The following HUNK variants were observed in gnomAD, a reference collection of about 807,000 sequenced individuals.
HUNK encodes the protein hormonally up-regulated Neu-associated kinase.
In HUNK, 21 loss-of-function variants were observed where a neutral mutation model predicts 61.0. The ratio of observed to expected loss-of-function variants is 0.34; its 90% CI spans 0.24 to 0.50. HUNK has a LOEUF of 0.50. Among genes scored for constraint, HUNK ranks in the 20% least tolerant of loss-of-function variants. The pLI, the probability that HUNK is intolerant of heterozygous loss-of-function variation, is 0.98. For synonymous variants in HUNK, 371 were observed against 386.1 expected (o/e 0.96, Z 0.46); for missense variants, 772 against 945.7 (o/e 0.82, Z 2.41).
In HUNK at chr21:31,873,848, G is replaced by A. The variant is rs538811019; in HGVS notation, c.174G>A (p.Val58=). The change falls in exon 1 of 11, where the codon GTG becomes GTA. Residue 58 remains valine, a synonymous_variant. Transcript: ENST00000270112. This position sits in a 1 kb window ranked among gnomAD's most constrained non-coding sequence, Gnocchi z 6.1. ...GCGACTTCCAGCACCACAAGCGCGTGGGCAACTACCTCATCGGCAGCAGGA... is the reference window on the plus strand; with the variant it reads ...GCGACTTCCAGCACCACAAGCGCGTAGGCAACTACCTCATCGGCAGCAGGA... ...RLRDFQHHKR[V]GNYLIGSRKL... is the part of the protein sequence containing the mutation. The A allele has an allele frequency of 2.0e-5, 32 of 1,586,340 alleles. No homozygotes were observed. The South Asian group carries it at 3.5e-4, about 18-fold the overall frequency.
chr21:31,970,432 T>A (rs780196823), intron 6 of HUNK, among the ~76,000 whole-genome samples: 31 of 152,144 alleles, frequency 2.0e-4, no homozygotes, highest in Non-Finnish European at 3.7e-4. Context: ...GGAAATAGAT[T>A]GCTGTTTTCC....
rs1456186443 is a variant in HUNK at position 31,873,794 on chromosome 21, G to T, written c.120G>T (p.Trp40Cys). Residue 40 changes from tryptophan to cysteine, a missense_variant, in exon 1 of 11, where the codon TGG becomes TGT. By Grantham distance (215) the Trp-to-Cys change is radical. Around this residue, in one of 2 missense-constraint regions of HUNK, gnomAD observed 359 missense variants for 501.3 expected, o/e 0.72. Transcript: ENST00000270112. The surrounding 1 kb of genome is among the most constrained non-coding windows in gnomAD (Gnocchi z 6.1). ...AACEGSFLPA[W>C]VSGVPRERLR... ...GCGAGGGAAGTTTCCTGCCTGCCTG[G>T]GTGAGCGGCGTGCCCCGCGAGCGGC... 4 of 1,558,988 alleles carry T rather than the reference G, an allele frequency of 2.6e-6. No homozygotes were observed. The African/African-American group carries it at 5.6e-5, about 22-fold the overall frequency.
intron 4 of HUNK, among the ~76,000 whole-genome samples, chr21:31,957,388 C>T (rs1480324947): frequency 6.6e-6 from 1 of 152,196 alleles, no homozygotes; most frequent in African/African-American, 2.4e-5. Context: ...GAGTGGGAAC[C>T]AGGTCTTACT....
rs527283272 is a variant in HUNK at position 31,994,787 on chromosome 21, T to C, written c.1306-981T>C. Reference sequence around the variant, plus strand: ...ATGCCAGAGGCTGTGGACTTGAAGATACATAAAATAGTCAAATTCATTCCT... The same window carrying C: ...ATGCCAGAGGCTGTGGACTTGAAGACACATAAAATAGTCAAATTCATTCCT... On this transcript the variant is annotated intron_variant, in intron 9 of 10. Coordinates refer to ENST00000270112, the MANE Select transcript of HUNK (RefSeq NM_014586.2). 1.5e-3 allele frequency among the ~76,000 whole-genome samples: 236 copies of C among 152,354 alleles called. 1 individual carries two copies. The highest frequency in any genetic ancestry group is 7.8e-3 in the Admixed American group (120 of 15,304).
intron 1 of HUNK, among the ~76,000 whole-genome samples, chr21:31,879,017 C>T (rs893373153): frequency 5.3e-5 from 8 of 152,190 alleles, no homozygotes; most frequent in South Asian, 2.1e-4. Flanking sequence ...TAAGGGTTGC[C>T]TGCTTACTAA....
At chr21:31,890,985 C>T (rs562437278) in intron 1 of HUNK, among the ~76,000 whole-genome samples, 13 of 151,040 alleles carry the variant, frequency 8.6e-5, no homozygotes, top group Non-Finnish European at 1.8e-4. Flanking sequence ...AAAAAAAAAA[C>T]TTTAGACAAA....
intron 7 of HUNK, among the ~76,000 whole-genome samples, chr21:31,983,199 C>A (rs1444240821): frequency 1.3e-5 from 2 of 152,186 alleles, no homozygotes; most frequent in Non-Finnish European, 2.9e-5. Context: ...TTCTTGGTTT[C>A]TCTGTTCGTG....
rs1450302337 is a variant in HUNK at position 31,873,998 on chromosome 21, C to T, written c.261+63C>T. The T allele has an allele frequency of 6.2e-6, 8 of 1,287,106 alleles. No homozygotes were observed. Among genetic ancestry groups the T allele is most frequent in the Admixed American group, 2.7e-5 (1 of 37,278 alleles). The allele number at this position is 1,287,106 out of a possible 1,614,324, so 79.7% of individuals were successfully genotyped here. A position where few individuals can be genotyped will look rare whatever the true frequency, so the allele number is the denominator to read the frequency against. On this transcript the variant is annotated intron_variant, in intron 1 of 10. Transcript: ENST00000270112. This position sits in a 1 kb window ranked among gnomAD's most constrained non-coding sequence, Gnocchi z 6.1. ...GCGGGAGTCGGCGGCCAGGACCCCG[C>T]GGGGAGCACTGCACTGGGAGTCCCA...
chr21:31,996,634 C>T (rs114558834), intron 10 of HUNK, among the ~76,000 whole-genome samples: 3,920 of 152,244 alleles, frequency 0.026, 189 homozygotes, highest in African/African-American at 0.088. Context: ...GAGCTGAGGG[C>T]GTCCTGAAGC....
intron 1 of HUNK, among the ~76,000 whole-genome samples, chr21:31,876,320 G>A (rs892496642): frequency 1.3e-5 from 2 of 152,144 alleles, no homozygotes; most frequent in Non-Finnish European, 2.9e-5. Flanking sequence ...CAGGGATTGC[G>A]GGCATTGGGA....
At chr21:31,890,894 T>G (rs959147334) in intron 1 of HUNK, among the ~76,000 whole-genome samples, 4 of 152,206 alleles carry the variant, frequency 2.6e-5, no homozygotes, top group Non-Finnish European at 1.5e-5. Context: ...AATTTTCCCC[T>G]ATCTTTCTCC....
intron 4 of HUNK, among the ~76,000 whole-genome samples, chr21:31,952,604 ATT>A (rs35878396): frequency 4.6e-5 from 7 of 151,640 alleles, no homozygotes; most frequent in Non-Finnish European, 1.0e-4. Flanking sequence ...TCCAGGGAGT[ATT>A]TTTTTTTGTG....
chr21:31,995,715 C>T, intron 9 of HUNK, 53 bp from the exon 10 acceptor site: 1 of 1,408,830 alleles, frequency 7.1e-7, no homozygotes, highest in South Asian at 1.2e-5. Context: ...AGAGGAATCC[C>T]ATTGTGTCTT....
chr21:31,968,165 T>C, intron 5 of HUNK, 85 bp from the exon 6 acceptor site: 1 of 1,535,554 alleles, frequency 6.5e-7, no homozygotes, highest in South Asian at 1.2e-5. Context: ...GCAGGCAAGG[T>C]GGCGAGTCCC....
rs1354210387 is a variant in HUNK, at chr21:31,968,319, T to A, written c.944T>A (p.Leu315Gln). The A allele has an allele frequency of 2.5e-6, 4 of 1,614,256 alleles. No individual in the cohort carries two copies. In the Admixed American group the frequency reaches 5.0e-5, roughly 20 times the overall value. ...AAGAGGCCAAATATTCAGCAGGCAC[T>A]GGCGAATCGCTGGCTTAATGAGAAT... ...PVKRPNIQQA[L>Q]ANRWLNENYT... Residue 315 changes from leucine to glutamine, a missense_variant, in exon 6 of 11, where the codon CTG (leucine) becomes CAG (glutamine). By Grantham distance (113) the Leu-to-Gln change is moderately radical. Transcript: ENST00000270112.
chr21:31,895,458 C>A (rs1555875974), intron 1 of HUNK, among the ~76,000 whole-genome samples: 1 of 152,170 alleles, frequency 6.6e-6, no homozygotes, highest in Non-Finnish European at 1.5e-5. Context: ...GGGCCTGTGA[C>A]AATTACATGC....
chr21:31,924,402 G>A lies in HUNK; in HGVS notation c.262-66G>A. The A allele has an allele frequency of 1.4e-6, 2 of 1,478,522 alleles. No homozygotes were observed. Among genetic ancestry groups the A allele is most frequent in the Non-Finnish European group, 1.8e-6 (2 of 1,091,576 alleles). The allele number at this position is 1,478,522 out of a possible 1,614,324, so 91.6% of individuals were successfully genotyped here. On this transcript the variant is annotated intron_variant, in intron 1 of 10. Transcript: ENST00000270112. The surrounding 1 kb of genome is among the most constrained non-coding windows in gnomAD (Gnocchi z 5.1). ...GCTAGCATTTTTCTTGGGTTCCTGT[G>A]AGTAGCCAAGGCATCGCTATTGTCT...
chr21:31,953,973 A>G (rs1286524767), intron 4 of HUNK, among the ~76,000 whole-genome samples: 1 of 152,250 alleles, frequency 6.6e-6, no homozygotes, highest in Non-Finnish European at 1.5e-5. Context: ...CTGTGGTCCC[A>G]GCCAGATGAT....
In HUNK at chr21:31,900,028, G is replaced by A. The variant is rs147677031; in HGVS notation, c.262-24440G>A. Among the ~76,000 whole-genome samples, 112 of 152,018 alleles carry A rather than the reference G, an allele frequency of 7.4e-4. 1 individual carries two copies. The highest frequency in any genetic ancestry group is 2.6e-3 in the African/African-American group (108 of 41,460). Reference sequence around the variant, plus strand: ...GACCTCAAGTGATCCACCCTCCTTGGGCTCCCAAAGTGCTGGGATTACAGG... The same window carrying A: ...GACCTCAAGTGATCCACCCTCCTTGAGCTCCCAAAGTGCTGGGATTACAGG... On this transcript the variant is annotated intron_variant, in intron 1 of 10. Coordinates refer to ENST00000270112, the MANE Select transcript of HUNK (RefSeq NM_014586.2).
Sources: gnomAD v4.1 joint callset for allele counts (sites outside exome capture counted in the v4.1 genomes callset) on GRCh38, gnomAD v4.1.1 for gene constraint, gnomAD v4.1.1 regional missense constraint, Gnocchi (gnomAD v3.1) non-coding constraint, MANE v1.5 for transcripts, NCBI Gene and HGNC (gene_info 2026-07-23, HGNC 2026-07-21) for gene names.